The following DNER variants were observed in gnomAD, a reference collection of about 807,000 sequenced individuals.
The protein encoded by DNER is delta/notch like EGF repeat containing.
A neutral mutation model predicts 78.2 loss-of-function variants in DNER; 33 were observed. That is an observed-to-expected ratio of 0.42 (90% CI 0.32 to 0.56). DNER has a LOEUF of 0.56. Among genes scored for constraint, DNER ranks in the 20% least tolerant of loss-of-function variants. DNER has a pLI of 0.11. For missense variants in DNER, 918 were observed against 975.3 expected, an observed-to-expected ratio of 0.94 and a Z score of 0.78; for synonymous variants, 417 against 384.8, an observed-to-expected ratio of 1.08 and a Z score of -0.98.
chr2:229,363,099 C>T (rs1692252357), intron 12 of DNER, among the ~76,000 whole-genome samples: 1 of 152,208 alleles, frequency 6.6e-6, no homozygotes, highest in African/African-American at 2.4e-5. Flanking sequence ...TTTGCTCCTG[C>T]TGGTCAGTTA....
intron 1 of DNER, among the ~76,000 whole-genome samples, chr2:229,629,425 G>C (rs2154215696): frequency 6.6e-6 from 1 of 152,188 alleles, no homozygotes; most frequent in East Asian, 1.9e-4. Flanking sequence ...CAACAGCACT[G>C]TAGTCACTAT....
chr2:229,366,593 C>A (rs746017413), intron 12 of DNER, among the ~76,000 whole-genome samples: 13 of 152,076 alleles, frequency 8.5e-5, no homozygotes, highest in Admixed American at 7.2e-4. Context: ...CAATATACAG[C>A]GATTACGAAT....
In DNER at chr2:229,683,687, C is replaced by T. The variant is rs550458098; in HGVS notation, c.276+30461G>A. On this transcript the variant is annotated intron_variant, in intron 1 of 12. Coordinates refer to ENST00000341772, the MANE Select transcript of DNER (RefSeq NM_139072.4). The stretch of plus-strand genomic sequence containing the variant: ...ATGGTGACAATAATGATCATGATGG[C>T]GATGATACCAGCACATGTGGCCAGG... Among the ~76,000 whole-genome samples the T allele has an allele frequency of 1.4e-3, 209 of 152,106 alleles. 1 individual carries two copies. Among genetic ancestry groups the T allele is most frequent in the African/African-American group, 4.9e-3 (203 of 41,496 alleles).
chr2:229,514,763 G>A (rs1463352807), intron 5 of DNER, among the ~76,000 whole-genome samples: 1 of 152,114 alleles, frequency 6.6e-6, no homozygotes, highest in Non-Finnish European at 1.5e-5. Context: ...ACACTGCATA[G>A]GAGGATGCCC....
chr2:229,385,100 TAA>T (rs57663031), intron 11 of DNER, among the ~76,000 whole-genome samples: 148 of 110,810 alleles, frequency 1.3e-3, no homozygotes, highest in Admixed American at 9.9e-4. Flanking sequence ...AGACTCCATC[TAA>T]AAAAAAAAAA....
chr2:229,363,351 G>C (rs981287143), intron 12 of DNER, among the ~76,000 whole-genome samples: 47 of 152,188 alleles, frequency 3.1e-4, no homozygotes, highest in African/African-American at 1.1e-3. Context: ...CAGTGAGACA[G>C]CCCATAAAAT....
At chr2:229,485,206 A>G (rs1192884551) in intron 6 of DNER, among the ~76,000 whole-genome samples, 5 of 152,214 alleles carry the variant, frequency 3.3e-5, no homozygotes, top group Non-Finnish European at 5.9e-5. Context: ...TTGAGGACAT[A>G]TGGCACAGCC....
chr2:229,409,433 A>G (rs1693458427), intron 9 of DNER, among the ~76,000 whole-genome samples: 2 of 152,250 alleles, frequency 1.3e-5, no homozygotes, highest in Admixed American at 1.3e-4. Context: ...CTGAGTTTCT[A>G]GTAATACATT....
At position 229,388,374 on chromosome 2, in the gene DNER, T is replaced by G; in HGVS notation, c.1746A>C (p.Ile582=). 1 of 1,611,552 alleles carries G rather than the reference T, an allele frequency of 6.2e-7. No individual in the cohort carries two copies. The highest frequency in any genetic ancestry group is 8.5e-7 in the Non-Finnish European group (1 of 1,178,850). The part of the protein sequence containing the change: ...GFTGEECDID[I]NECDSNPCHH... ...GGCAGGGGTTACTGTCACATTCATT[T>G]ATGTCAATGTCGCACTCTTCACCTA... Residue 582 remains isoleucine (I), a synonymous_variant, in exon 11 of 13, where the codon ATA becomes ATC. Coordinates refer to ENST00000341772, the MANE Select transcript of DNER (RefSeq NM_139072.4).
At chr2:229,681,524 A>G (rs1169430534) in intron 1 of DNER, among the ~76,000 whole-genome samples, 3 of 152,132 alleles carry the variant, frequency 2.0e-5, no homozygotes, top group Non-Finnish European at 4.4e-5. Context: ...CTCACAAAAT[A>G]GTTTCATTTA....
chr2:229,388,675 G>A (rs1414537725), intron 10 of DNER, among the ~76,000 whole-genome samples: 1 of 132,992 alleles, frequency 7.5e-6, no homozygotes, highest in Non-Finnish European at 1.6e-5. Flanking sequence ...CTTTCCTTTA[G>A]TGTACTTAAC....
intron 1 of DNER, among the ~76,000 whole-genome samples, chr2:229,684,428 C>A (rs1373873477): frequency 5.3e-5 from 8 of 152,026 alleles, no homozygotes; most frequent in Non-Finnish European, 7.4e-5. Context: ...GTTTTTCCTT[C>A]TCTTCTCACT....
chr2:229,621,177 T>A (rs1054635683), intron 1 of DNER, among the ~76,000 whole-genome samples: 11 of 152,060 alleles, frequency 7.2e-5, no homozygotes, highest in African/African-American at 2.7e-4. Context: ...ACAAAAGTGA[T>A]AAATAATAAC....
At chr2:229,411,847 G>T (rs1483130116) in intron 9 of DNER, among the ~76,000 whole-genome samples, 1 of 151,998 alleles carries the variant, frequency 6.6e-6, no homozygotes, top group African/African-American at 2.4e-5. Flanking sequence ...ATATAAAATT[G>T]TAGGTATACT....
At chr2:229,647,156 G>C (rs1031290456) in intron 1 of DNER, among the ~76,000 whole-genome samples, 1 of 152,186 alleles carries the variant, frequency 6.6e-6, no homozygotes, top group Admixed American at 6.5e-5. Context: ...GACAGAGCAA[G>C]ACTCTGTCTC....
chr2:229,567,891 G>A lies in DNER; in HGVS notation c.847+17967C>T, dbSNP rs926112563. ...TCAGTCTCTACAAAAGTCTTGTACC[G>A]CTATCTGATCATCAATTCTTTCTGT... is the stretch of plus-strand genomic sequence containing the variant. On this transcript the variant is annotated intron_variant, in intron 4 of 12. Transcript: ENST00000341772. 5.3e-5 allele frequency among the ~76,000 whole-genome samples: 8 copies of A among 152,080 alleles called. No homozygotes were observed. In the South Asian group the frequency reaches 1.0e-3, roughly 20 times the overall value.
chr2:229,615,992 T>C (rs917848473), intron 1 of DNER, among the ~76,000 whole-genome samples: 4 of 152,242 alleles, frequency 2.6e-5, no homozygotes, highest in South Asian at 2.1e-4. Flanking sequence ...GAACCCCTTT[T>C]ACTGGAAAAC....
chr2:229,575,894 T>G (rs1697289384), intron 4 of DNER, among the ~76,000 whole-genome samples: 1 of 152,214 alleles, frequency 6.6e-6, no homozygotes, highest in African/African-American at 2.4e-5. Flanking sequence ...TAATCTTGAT[T>G]GCTGACAATA....
intron 1 of DNER, among the ~76,000 whole-genome samples, chr2:229,710,203 A>T (rs1699889786): frequency 6.6e-6 from 1 of 152,130 alleles, no homozygotes. Context: ...AGCTGAGCAC[A>T]CTCATACAAG....
Sources: allele counts gnomAD v4.1 joint callset (sites outside exome capture counted in the v4.1 genomes callset), GRCh38; gene constraint gnomAD v4.1.1; transcripts MANE v1.5; gene names NCBI Gene and HGNC (gene_info 2026-07-23, HGNC 2026-07-21).